Variants in NFIA observed in about 807,000 individuals in gnomAD.
The protein encoded by NFIA is nuclear factor I A.
A neutral mutation model predicts 62.8 loss-of-function variants in NFIA; 8 were observed. The ratio of observed to expected loss-of-function variants is 0.13; its 90% CI spans 0.07 to 0.23. The LOEUF (loss-of-function observed/expected upper bound fraction) is 0.23, where lower values mean the gene tolerates loss of function less well. NFIA is among the 10% of genes least tolerant of loss of function. NFIA has a pLI of 1.00. For synonymous variants in NFIA, 235 were observed against 238.1 expected, an observed-to-expected ratio of 0.99 and a Z score of 0.12; for missense variants, 410 against 642.1, an observed-to-expected ratio of 0.64 and a Z score of 3.91.
intron 2 of NFIA, among the ~76,000 whole-genome samples, chr1:61,193,769 G>T (rs1651806351): frequency 6.6e-6 from 1 of 152,168 alleles, no homozygotes; most frequent in Admixed American, 6.5e-5. Context: ...TTTATAATAT[G>T]ACCACTTTTT....
At chr1:61,099,701 T>C (rs1646476791) in intron 2 of NFIA, among the ~76,000 whole-genome samples, 1 of 152,208 alleles carries the variant, frequency 6.6e-6, no homozygotes, top group Non-Finnish European at 1.5e-5. Flanking sequence ...TCAGAGAGCA[T>C]CTCACTTGAG....
At chr1:61,106,792 C>T (rs2100445721) in intron 2 of NFIA, among the ~76,000 whole-genome samples, 1 of 151,628 alleles carries the variant, frequency 6.6e-6, no homozygotes, top group East Asian at 1.9e-4. Flanking sequence ...TTTCCTCTCC[C>T]ATTACCCTGA....
chr1:61,322,589 C>A (rs1660732810), intron 3 of NFIA, among the ~76,000 whole-genome samples: 1 of 152,142 alleles, frequency 6.6e-6, no homozygotes, highest in Non-Finnish European at 1.5e-5. Context: ...CACTTGCGTT[C>A]ACTTTCTGGT....
chr1:61,398,813 A>G (rs534613933), intron 7 of NFIA, among the ~76,000 whole-genome samples: 1 of 152,286 alleles, frequency 6.6e-6, no homozygotes, highest in Admixed American at 6.5e-5. Context: ...TTCATGCATG[A>G]TTTATAAATT....
rs560572272 is a variant in NFIA at position 61,402,669 on chromosome 1, G to C, written c.1076-1435G>C. Among the ~76,000 whole-genome samples, 11 of 152,132 alleles carry C rather than the reference G, an allele frequency of 7.2e-5. No individual in the cohort carries two copies. In the South Asian group the frequency reaches 2.3e-3, roughly 32 times the overall value. On this transcript the variant is annotated intron_variant, in intron 7 of 10. Coordinates refer to ENST00000403491, the MANE Select transcript of NFIA (RefSeq NM_001134673.4). The stretch of plus-strand genomic sequence containing the variant: ...CCGATGGCAAAATTTCATCTGTTTT[G>C]GCTCAGATTTGTTTCTTGAGCCCAT...
intron 3 of NFIA, among the ~76,000 whole-genome samples, chr1:61,295,028 G>C (rs1659113837): frequency 6.6e-6 from 1 of 152,236 alleles, no homozygotes; most frequent in South Asian, 2.1e-4. Flanking sequence ...GTTTCGAGCA[G>C]GGTGTGAAAT....
intron 8 of NFIA, among the ~76,000 whole-genome samples, chr1:61,404,807 G>A (rs763413445): frequency 1.1e-4 from 16 of 152,188 alleles, no homozygotes; most frequent in Non-Finnish European, 2.1e-4. Flanking sequence ...ATTTCTGCAA[G>A]TCATTATCTT....
intron 2 of NFIA, among the ~76,000 whole-genome samples, chr1:61,167,951 C>T (rs1191973513): frequency 6.6e-6 from 1 of 152,086 alleles, no homozygotes; most frequent in Non-Finnish European, 1.5e-5. Context: ...TTTTGATGTA[C>T]ACTTAATAAG....
At chr1:61,081,897 A>G (rs1418428393), upstream of NFIA, 38 of 1,541,558 alleles carry the variant, frequency 2.5e-5, no homozygotes, top group African/African-American at 1.5e-4. Flanking sequence ...TCAGTGGGGG[A>G]AAAAAAGTTA....
At chr1:61,359,085 G>GAAAGA in intron 5 of NFIA, 62 bp from the exon 6 acceptor site, 2 of 1,587,998 alleles carry the variant, frequency 1.3e-6, no homozygotes, top group Non-Finnish European at 1.7e-6. Context: ...AACCAGAGGT[G>GAAAGA]CAGTGTCCAA....
At chr1:61,110,813 A>T (rs968569195) in intron 2 of NFIA, among the ~76,000 whole-genome samples, 2 of 152,086 alleles carry the variant, frequency 1.3e-5, no homozygotes, top group Admixed American at 1.3e-4. Context: ...ACAGATTTCC[A>T]CTTCCTGCCA....
At chr1:61,077,593 T>G, upstream of NFIA, 1 of 1,377,292 alleles carries the variant, frequency 7.3e-7, no homozygotes. Flanking sequence ...TCTGAGCATT[T>G]TAAAGTTTCT....
chr1:61,320,866 A>G (rs568121218), intron 3 of NFIA, among the ~76,000 whole-genome samples: 1 of 152,270 alleles, frequency 6.6e-6, no homozygotes, highest in South Asian at 2.1e-4. Flanking sequence ...CACTTAAGAT[A>G]ATCAGTTTCT....
At chr1:61,395,593 C>T (rs1011056684) in intron 7 of NFIA, among the ~76,000 whole-genome samples, 1 of 152,154 alleles carries the variant, frequency 6.6e-6, no homozygotes, top group Non-Finnish European at 1.5e-5. Context: ...TTCAAGTTCC[C>T]TTCATGTAAC....
intron 2 of NFIA, among the ~76,000 whole-genome samples, chr1:61,275,420 C>G (rs769672699): frequency 6.6e-6 from 1 of 152,046 alleles, no homozygotes; most frequent in African/African-American, 2.4e-5. Flanking sequence ...TTTCCTGATC[C>G]CTTTTTGCTT....
intron 2 of NFIA, among the ~76,000 whole-genome samples, chr1:61,262,940 C>T (rs1427621101): frequency 6.6e-6 from 1 of 152,108 alleles, no homozygotes; most frequent in Non-Finnish European, 1.5e-5. Flanking sequence ...TCGGAGACAC[C>T]TTGCCGCATA....
chr1:61,096,547 C>CTTTTTTTTTT lies in NFIA; in HGVS notation c.559+7881_559+7890dup, dbSNP rs369305204. ...TCTTTAAACTTAGTCAAGATTAGTT[C>CTTTTTTTTTT]TTTTTTTTTTTTTTTTTTTTTTTGA... On this transcript the variant is annotated intron_variant, in intron 2 of 10. Coordinates refer to ENST00000403491, the MANE Select transcript of NFIA (RefSeq NM_001134673.4). Among the ~76,000 whole-genome samples, 77 of 80,594 alleles carry CTTTTTTTTTT rather than the reference C, an allele frequency of 9.6e-4. 1 individual carries two copies. Among genetic ancestry groups the CTTTTTTTTTT allele is most frequent in the East Asian group, 5.5e-3 (11 of 1,982 alleles). The allele number at this position is 80,594 out of a possible 152,430, so 52.9% of individuals were successfully genotyped here.
chr1:61,267,888 C>G (rs1657269432), intron 2 of NFIA, among the ~76,000 whole-genome samples: 1 of 152,048 alleles, frequency 6.6e-6, no homozygotes, highest in Non-Finnish European at 1.5e-5. Flanking sequence ...TCCAGGTATA[C>G]AGGGTGAAAG....
chr1:61,342,946 A>G (rs1227830223), intron 4 of NFIA, among the ~76,000 whole-genome samples: 2 of 152,250 alleles, frequency 1.3e-5, no homozygotes, highest in Non-Finnish European at 1.5e-5. Flanking sequence ...TTCCATAGGG[A>G]TAATGCAAAG....
Sources: gnomAD v4.1 joint callset for allele counts (sites outside exome capture counted in the v4.1 genomes callset) on GRCh38, gnomAD v4.1.1 for gene constraint, MANE v1.5 for transcripts, NCBI Gene and HGNC (gene_info 2026-07-23, HGNC 2026-07-21) for gene names.